Variants in APBA2 observed in about 807,000 individuals in gnomAD.
APBA2 encodes the protein amyloid-beta A4 precursor protein-binding family A member 2.
APBA2 carries 30 observed loss-of-function variants against 75.0 expected under a neutral mutation model. The observed-to-expected ratio is 0.40, with a 90% CI of 0.30 to 0.54. The LOEUF is 0.54. APBA2 is among the 20% of genes least tolerant of loss of function. APBA2 has a pLI of 0.49. For missense variants in APBA2, 801 were observed against 1,016.1 expected (o/e 0.79, Z 2.88); for synonymous variants, 444 against 409.6 (o/e 1.08, Z -1.01).
intron 2 of APBA2, among the ~76,000 whole-genome samples, chr15:28,983,342 T>C (rs1349682771): frequency 1.3e-5 from 2 of 152,140 alleles, no homozygotes; most frequent in East Asian, 3.8e-4. Context: ...CGAAAAGATA[T>C]GTATTTGTGG....
chr15:29,001,409 C>G (rs2038837130), intron 3 of APBA2, among the ~76,000 whole-genome samples: 1 of 152,062 alleles, frequency 6.6e-6, no homozygotes, highest in African/African-American at 2.4e-5. Flanking sequence ...GGGCATTTCA[C>G]CATATTGTTC....
At chr15:29,087,268 A>ATTTT (rs1566990821) in intron 6 of APBA2, among the ~76,000 whole-genome samples, 23 of 143,252 alleles carry the variant, frequency 1.6e-4, no homozygotes, top group African/African-American at 2.4e-4. Flanking sequence ...TTTTTTTAAA[A>ATTTT]AAAATTATTT....
intron 7 of APBA2, among the ~76,000 whole-genome samples, 184 bp from the exon 8 acceptor site, chr15:29,094,094 T>A (rs573738955): frequency 1.3e-5 from 2 of 152,354 alleles, no homozygotes; most frequent in South Asian, 4.1e-4. Context: ...CAGGGACACC[T>A]GTGTGGGCTT....
chr15:28,993,907 C>T lies in APBA2; in HGVS notation c.-94-1846C>T, dbSNP rs190195739. On this transcript the variant is annotated intron_variant, in intron 2 of 14. Transcript: ENST00000683413. ...TGGTCAAGTGACAGCTGCCCAGAGCCGGAGTTTAGGGTGCCTGGAGAGGAC... is the reference window on the plus strand; with the variant it reads ...TGGTCAAGTGACAGCTGCCCAGAGCTGGAGTTTAGGGTGCCTGGAGAGGAC... Among the ~76,000 whole-genome samples, 8 of 152,114 alleles carry T rather than the reference C, an allele frequency of 5.3e-5. No homozygotes were observed. In the East Asian group the frequency reaches 1.2e-3, roughly 22 times the overall value.
intron 3 of APBA2, among the ~76,000 whole-genome samples, chr15:29,042,609 A>G (rs1371910394): frequency 6.6e-6 from 1 of 152,180 alleles, no homozygotes; most frequent in Non-Finnish European, 1.5e-5. Context: ...GGGGATGAGA[A>G]CTTAAACATA....
In APBA2 at chr15:29,096,835, C is replaced by A. The variant is rs143378840; in HGVS notation, c.1252-1655C>A. Among the ~76,000 whole-genome samples, 61 of 152,362 alleles carry A rather than the reference C, an allele frequency of 4.0e-4. No individual in the cohort carries two copies. The East Asian group carries it at 0.011, about 26-fold the overall frequency. ...CCCAGTGACCACGGAGAATTATTCA[C>A]CTCGGTGGGCAAACCAATAGAACTT... On this transcript the variant is annotated intron_variant, in intron 8 of 14. Coordinates refer to ENST00000683413, the MANE Select transcript of APBA2 (RefSeq NM_001353788.2).
intron 3 of APBA2, among the ~76,000 whole-genome samples, chr15:29,032,496 G>A (rs1471126330): frequency 6.6e-6 from 1 of 152,232 alleles, no homozygotes; most frequent in East Asian, 1.9e-4. Flanking sequence ...AGCCTCTGCA[G>A]TCATGTGAGC....
intron 2 of APBA2, among the ~76,000 whole-genome samples, chr15:28,951,939 G>T (rs1393267579): frequency 6.8e-6 from 1 of 147,532 alleles, no homozygotes; most frequent in Non-Finnish European, 1.5e-5. Context: ...GCTCAAGCTG[G>T]AGTGAATGGC....
chr15:28,926,375 C>A (rs1278794532), intron 2 of APBA2, among the ~76,000 whole-genome samples: 1 of 152,110 alleles, frequency 6.6e-6, no homozygotes, highest in Admixed American at 6.5e-5. Context: ...TCAAAATAAT[C>A]TAAGCCCACC....
intron 1 of APBA2, among the ~76,000 whole-genome samples, chr15:28,897,204 C>G (rs1033221100): frequency 4.0e-5 from 6 of 151,814 alleles, no homozygotes; most frequent in Non-Finnish European, 8.8e-5. Context: ...CACACACACA[C>G]ACACACACGT....
At chr15:29,036,113 C>T (rs1440953905) in intron 3 of APBA2, among the ~76,000 whole-genome samples, 1 of 152,192 alleles carries the variant, frequency 6.6e-6, no homozygotes. Context: ...TGCCTTGCCC[C>T]TCCCTTGTGT....
chr15:28,889,297 C>G (rs1391150447), intron 1 of APBA2, among the ~76,000 whole-genome samples: 1 of 152,204 alleles, frequency 6.6e-6, no homozygotes, highest in Non-Finnish European at 1.5e-5. Context: ...ATCATGCAGC[C>G]AGGCTCACTC....
At chr15:29,020,186 TACAAGCA>T (rs2039879170) in intron 3 of APBA2, among the ~76,000 whole-genome samples, 1 of 151,918 alleles carries the variant, frequency 6.6e-6, no homozygotes, top group African/African-American at 2.4e-5. Context: ...TGTGTGGGTA[TACAAGCA>T]AAAAAAGGTT....
intron 3 of APBA2, chr15:29,044,336 G>A (rs2041197462): frequency 6.6e-6 from 1 of 152,166 alleles, no homozygotes; most frequent in Non-Finnish European, 1.5e-5. Flanking sequence ...TGGTGAGCAC[G>A]GTGTCGGGGG....
intron 3 of APBA2, among the ~76,000 whole-genome samples, chr15:29,019,015 C>T (rs1274727081): frequency 1.3e-5 from 2 of 152,190 alleles, no homozygotes; most frequent in African/African-American, 4.8e-5. Context: ...AATTGACTCT[C>T]AGAGTTTATG....
At chr15:29,114,649 G>C (rs1364538987) in intron 14 of APBA2, among the ~76,000 whole-genome samples, 2 of 151,730 alleles carry the variant, frequency 1.3e-5, no homozygotes, top group African/African-American at 4.9e-5. Flanking sequence ...GGGTGTGTGT[G>C]GGATGTGATG....
At chr15:28,937,024 A>G (rs1270804918) in intron 2 of APBA2, among the ~76,000 whole-genome samples, 2 of 152,184 alleles carry the variant, frequency 1.3e-5, no homozygotes, top group African/African-American at 4.8e-5. Context: ...AAGAGAAAGC[A>G]GTTTGCAACT....
At chr15:28,913,303 C>T (rs1226499093) in intron 1 of APBA2, among the ~76,000 whole-genome samples, 1 of 152,192 alleles carries the variant, frequency 6.6e-6, no homozygotes, top group Admixed American at 6.5e-5. Context: ...GCAGGCGGGG[C>T]AGCATCTGGA....
intron 6 of APBA2, among the ~76,000 whole-genome samples, chr15:29,083,061 C>G (rs76452374): frequency 7.0e-6 from 1 of 142,298 alleles, no homozygotes; most frequent in African/African-American, 2.6e-5. Flanking sequence ...GACACCGTCT[C>G]AAAAAAAAAA....
Sources: allele counts gnomAD v4.1 joint callset (sites outside exome capture counted in the v4.1 genomes callset), GRCh38; gene constraint gnomAD v4.1.1; transcripts MANE v1.5; gene names NCBI Gene and HGNC (gene_info 2026-07-23, HGNC 2026-07-21).